MAP7D3: variants seen among roughly 807,000 people sequenced by gnomAD.
MAP7D3 encodes the protein MAP7 domain containing 3, also known as MAP7 domain-containing protein 3.
In MAP7D3, 45 loss-of-function variants were observed where a neutral mutation model predicts 62.2. That is an observed-to-expected ratio of 0.72 (90% CI 0.57 to 0.93). The LOEUF is 0.93. Ranked by LOEUF, MAP7D3 falls within the 40% of genes least tolerant of loss-of-function variation. The pLI, the probability that MAP7D3 is intolerant of heterozygous loss-of-function variation, is 0.00. For synonymous variants in MAP7D3, 288 were observed against 248.8 expected (o/e 1.16, Z -1.48); for missense variants, 711 against 683.1 (o/e 1.04, Z -0.45).
intron 16 of MAP7D3, 73 bp downstream of exon 16, chrX:136,220,692 T>C (rs1241445613): frequency 4.7e-6 from 4 of 858,183 alleles, no homozygotes; most frequent in Non-Finnish European, 6.8e-6. Flanking sequence ...AGAGATCATA[T>C]TTATCTAGCA....
At chrX:136,233,346 C>A (rs909116886) in intron 7 of MAP7D3, among the ~76,000 whole-genome samples, 1 of 105,950 alleles carries the variant, frequency 9.4e-6, no homozygotes, top group Non-Finnish European at 1.9e-5. Flanking sequence ...GCAATCTTGG[C>A]TCACTGCAAC....
intron 10 of MAP7D3, among the ~76,000 whole-genome samples, chrX:136,229,919 T>C (rs1320531618): frequency 2.0e-5 from 2 of 99,851 alleles, no homozygotes; most frequent in Non-Finnish European, 4.0e-5. Flanking sequence ...ACCGAATATA[T>C]AGCCTACCCT....
At chrX:136,226,408 A>G (rs930203465) in intron 12 of MAP7D3, among the ~76,000 whole-genome samples, 13 of 112,096 alleles carry the variant, frequency 1.2e-4, no homozygotes, top group Non-Finnish European at 2.4e-4. Flanking sequence ...TATATAAAAC[A>G]TATGACCAAT....
intron 4 of MAP7D3, among the ~76,000 whole-genome samples, chrX:136,241,873 C>G (rs1248678507): frequency 1.8e-5 from 2 of 111,487 alleles, no homozygotes; most frequent in African/African-American, 6.5e-5. Context: ...TTTAGCTGGT[C>G]AAGACAACAG....
Position 136,222,494 on chromosome X carries a change from TA to T in MAP7D3, c.2194-9del. The T allele has an allele frequency of 8.6e-7, 1 of 1,166,346 alleles. No individual in the cohort carries two copies. The highest frequency in any genetic ancestry group is 1.2e-6 in the Non-Finnish European group (1 of 855,541). ...GCTGGATGTTTCTGTGACCTACGAT[TA>T]AAAAAGGAAATCTTGATTATGCCTA... On this transcript the variant is annotated splice_polypyrimidine_tract_variant and intron_variant, in intron 14 of 18. Transcript: ENST00000316077.
chrX:136,236,688 TAA>T (rs1455870470), intron 6 of MAP7D3, among the ~76,000 whole-genome samples: 3 of 112,107 alleles, frequency 2.7e-5, no homozygotes, highest in Non-Finnish European at 5.6e-5. Context: ...TGCATATATT[TAA>T]AAAAGATATA....
chrX:136,226,720 C>T (rs2074201626), intron 12 of MAP7D3, among the ~76,000 whole-genome samples: 1 of 112,075 alleles, frequency 8.9e-6, no homozygotes, highest in African/African-American at 3.2e-5. Flanking sequence ...TTAAGGACTA[C>T]TAATCTACAA....
rs1243687715 is a variant in MAP7D3, at chrX:136,218,370, G to A, written c.*156C>T. On this transcript the variant is annotated 3_prime_UTR_variant, in exon 19 of 19. Coordinates refer to ENST00000316077, the MANE Select transcript of MAP7D3 (RefSeq NM_024597.4). ...TTTTGACAGTTTCTTTCAATTTTTC[G>A]GTGTCACTTCCTTTACCAGGTTCAA... The A allele has an allele frequency of 8.9e-6, 1 of 111,799 alleles. No homozygotes were observed. The highest frequency in any genetic ancestry group is 2.8e-4 in the East Asian group (1 of 3,573). The allele number at this position is 111,799 out of a possible 1,213,427, so 9.2% of individuals were successfully genotyped here.
chrX:136,220,144 T>G (rs1404055785), intron 16 of MAP7D3, among the ~76,000 whole-genome samples: 1 of 111,785 alleles, frequency 8.9e-6, no homozygotes, highest in East Asian at 2.8e-4. Flanking sequence ...ACTTTTGACC[T>G]TGTTTCCTTA....
At chrX:136,215,660 T>C (rs1351298443), downstream of MAP7D3, among the ~76,000 whole-genome samples, 3 of 112,096 alleles carry the variant, frequency 2.7e-5, no homozygotes, top group South Asian at 3.7e-4. Flanking sequence ...CATGGAAAAT[T>C]TGTCTTCCAC....
upstream of MAP7D3, among the ~76,000 whole-genome samples, chrX:136,251,812 G>A (rs1012326463): frequency 1.8e-5 from 2 of 111,608 alleles, no homozygotes; most frequent in African/African-American, 6.5e-5. Context: ...AAAGACCCAA[G>A]TTGGGGGAAG....
rs756751014 is a variant in MAP7D3, at chrX:136,232,073, A to C, written c.884T>G (p.Val295Gly). The C allele has an allele frequency of 3.3e-6, 4 of 1,210,668 alleles. No individual in the cohort carries two copies. Among genetic ancestry groups the C allele is most frequent in the Non-Finnish European group, 4.5e-6 (4 of 894,582 alleles). Residue 295 changes from valine (V) to glycine (G), a missense_variant, in exon 8 of 19, where the codon GTA becomes GGA. By Grantham distance (109) the Val-to-Gly change is moderately radical. Transcript: ENST00000316077. ...CACACTTGCCTTGGGAGGTGTCTCT[A>C]CTTTCTCCAAGGGAGACTCTTCTAC... ...TKVEESPLEK[V>G]ETPPKASVDA...
chrX:136,218,806 A>C (rs2074089188), intron 18 of MAP7D3, among the ~76,000 whole-genome samples: 1 of 111,761 alleles, frequency 8.9e-6, no homozygotes, highest in Admixed American at 9.5e-5. Context: ...TTGCCAAGCA[A>C]CCAGCAGACC....
At chrX:136,216,699 A>G (rs2074067094), downstream of MAP7D3, 1 of 112,164 alleles carries the variant, frequency 8.9e-6, no homozygotes, top group African/African-American at 3.2e-5. Flanking sequence ...AGGGGATTTG[A>G]TCCCTGTTCA....
rs979165202 is a variant in MAP7D3 at position 136,232,120 on chromosome X, C to T, written c.837G>A (p.Met279Ile). 2.7e-5 allele frequency: 32 copies of T among 1,205,810 alleles called. No homozygotes were observed. The highest frequency in any genetic ancestry group is 3.6e-5 in the Non-Finnish European group (32 of 891,194). ...LRAVMFPMSTMKIPPQTKVEE... is the reference protein window; with the variant it reads ...LRAVMFPMSTIKIPPQTKVEE... ...CTACTTTTGTTTGAGGAGGTATTTT[C>T]ATTGTCGACATGGGAAACATAACAG... Residue 279 changes from methionine to isoleucine, a missense_variant, in exon 8 of 19, where the codon ATG (methionine) becomes ATA (isoleucine). Met to Ile is a conservative substitution (Grantham distance 10). Transcript: ENST00000316077.
At chrX:136,256,199 G>A (rs997472215), upstream of MAP7D3, 1 of 1,133,861 alleles carries the variant, frequency 8.8e-7, no homozygotes, top group Non-Finnish European at 1.2e-6. Flanking sequence ...GTGATGCCCG[G>A]GAAGAGTGAT....
At chrX:136,249,982 G>A (rs972690387) in intron 1 of MAP7D3, among the ~76,000 whole-genome samples, 8 of 112,049 alleles carry the variant, frequency 7.1e-5, no homozygotes, top group Non-Finnish European at 1.3e-4. Flanking sequence ...GGGTTTATCC[G>A]GTTCACAGCT....
Position 136,219,642 on chromosome X carries a change from G to C in MAP7D3, c.2516C>G (p.Thr839Arg). The change falls in exon 17 of 19, where the codon ACA becomes AGA. Residue 839 changes from threonine to arginine, a missense_variant. Transcript: ENST00000316077. ...TTCATCCGCCTTTCTGGTTTTCGTT[G>C]TGTGACTGGTCATTCTTTTGGAAGA... ...RPSSKRMTSH[T>R]TKTRKADETN... 1 of 1,206,433 alleles carries C rather than the reference G, an allele frequency of 8.3e-7. No homozygotes were observed. Among genetic ancestry groups the C allele is most frequent in the Non-Finnish European group, 1.1e-6 (1 of 890,527 alleles).
intron 4 of MAP7D3, among the ~76,000 whole-genome samples, chrX:136,243,562 G>A (rs2074412964): frequency 9.0e-6 from 1 of 111,202 alleles, no homozygotes; most frequent in African/African-American, 3.3e-5. Flanking sequence ...AATTAGCCAG[G>A]CGTGGCGGTA....
Sources: allele counts gnomAD v4.1 joint callset (sites outside exome capture counted in the v4.1 genomes callset), GRCh38; gene constraint gnomAD v4.1.1; transcripts MANE v1.5; gene names NCBI Gene and HGNC (gene_info 2026-07-23, HGNC 2026-07-21).